The following SRBD1 variants were observed in gnomAD, a reference collection of about 807,000 sequenced individuals.
SRBD1 encodes S1 RNA binding domain 1.
In SRBD1, 88 loss-of-function variants were observed where a neutral mutation model predicts 115.3. That is an observed-to-expected ratio of 0.76 (90% CI 0.64 to 0.91). The LOEUF (loss-of-function observed/expected upper bound fraction) is 0.91. SRBD1 is among the 40% of genes least tolerant of loss of function. The pLI is 0.00. For missense variants in SRBD1, 1,385 were observed against 1,177.4 expected (o/e 1.18, Z -2.58); for synonymous variants, 509 against 407.7 (o/e 1.25, Z -2.99).
At chr2:45,413,079 C>T (rs1313246802) in intron 19 of SRBD1, 35 bp downstream of exon 19, 3 of 1,592,342 alleles carry the variant, frequency 1.9e-6, no homozygotes, top group Non-Finnish European at 2.6e-6. Flanking sequence ...ACTCACTCTG[C>T]ATATGGAGAA....
chr2:45,512,856 A>G lies in SRBD1; in HGVS notation c.1875-24525T>C, dbSNP rs185047583. Among the ~76,000 whole-genome samples, 18 of 152,214 alleles carry G rather than the reference A, an allele frequency of 1.2e-4. No individual in the cohort carries two copies. The East Asian group carries it at 3.3e-3, about 28-fold the overall frequency. ...TGCCTGTATTATTCCTAGGCTAGTC[A>G]TGGAAATATGGACCTCCAAATTCTG... is the stretch of plus-strand genomic sequence containing the variant. On this transcript the variant is annotated intron_variant, in intron 14 of 20. Coordinates refer to ENST00000263736, the MANE Select transcript of SRBD1 (RefSeq NM_018079.5).
chr2:45,598,273 C>T (rs1001229222), intron 4 of SRBD1, among the ~76,000 whole-genome samples: 1 of 152,194 alleles, frequency 6.6e-6, no homozygotes, highest in Non-Finnish European at 1.5e-5. Flanking sequence ...TGTAAAGCAA[C>T]ATTCTATTCC....
chr2:45,520,114 A>G (rs961998011), intron 14 of SRBD1, among the ~76,000 whole-genome samples: 2 of 152,220 alleles, frequency 1.3e-5, no homozygotes, highest in Non-Finnish European at 2.9e-5. Context: ...GGCAATTATA[A>G]TACTACTTAA....
At chr2:45,432,609 G>A (rs750436760) in intron 16 of SRBD1, among the ~76,000 whole-genome samples, 3 of 152,120 alleles carry the variant, frequency 2.0e-5, no homozygotes, top group Non-Finnish European at 2.9e-5. Context: ...GCAGTAACTG[G>A]TACAAGAAGC....
rs559904199 is a variant in SRBD1, at chr2:45,531,767, C to T, written c.1874+14965G>A. Among the ~76,000 whole-genome samples, 15 of 151,818 alleles carry T rather than the reference C, an allele frequency of 9.9e-5. No individual in the cohort carries two copies. In the South Asian group the frequency reaches 1.9e-3, roughly 19 times the overall value. On this transcript the variant is annotated intron_variant, in intron 14 of 20. Coordinates refer to ENST00000263736, the MANE Select transcript of SRBD1 (RefSeq NM_018079.5). ...CATGTTTACAGGAAAATAAATATTC[C>T]GTAATACATATGGCAAGCCTTCTCT...
At chr2:45,599,187 T>G (rs1227900504) in intron 4 of SRBD1, among the ~76,000 whole-genome samples, 1 of 152,202 alleles carries the variant, frequency 6.6e-6, no homozygotes, top group African/African-American at 2.4e-5. Flanking sequence ...TGGTACAATC[T>G]GTCTATATAG....
intron 8 of SRBD1, 95 bp from the exon 9 acceptor site, chr2:45,573,437 C>A: frequency 2.8e-6 from 4 of 1,426,932 alleles, no homozygotes; most frequent in East Asian, 2.7e-5. Flanking sequence ...AAAAGTTAAG[C>A]CATTACCAAG....
chr2:45,545,308 A>C (rs1024301813), intron 14 of SRBD1, among the ~76,000 whole-genome samples: 2 of 142,626 alleles, frequency 1.4e-5, no homozygotes, highest in African/African-American at 5.4e-5. Flanking sequence ...AAAAAAAAAA[A>C]AAAAAAACAG....
At chr2:45,390,895 A>G (rs964478489) in intron 20 of SRBD1, among the ~76,000 whole-genome samples, 1 of 152,212 alleles carries the variant, frequency 6.6e-6, no homozygotes, top group African/African-American at 2.4e-5. Context: ...ATTCTGTGGA[A>G]TTTTACCTGA....
chr2:45,580,676 CTTTTTTTTTTTTTT>C (rs369067711), intron 6 of SRBD1, among the ~76,000 whole-genome samples: 4 of 76,348 alleles, frequency 5.2e-5, no homozygotes, highest in Non-Finnish European at 7.1e-5. Flanking sequence ...TCTTCTACTT[CTTTTTTTTTTTTTT>C]TTTTTTTTTT....
intron 15 of SRBD1, among the ~76,000 whole-genome samples, chr2:45,477,388 A>C (rs955784535): frequency 1.3e-5 from 2 of 152,218 alleles, no homozygotes; most frequent in African/African-American, 2.4e-5. Flanking sequence ...TTCATTCTTC[A>C]TTCTTTACGT....
chr2:45,512,524 T>G (rs1671000870), intron 14 of SRBD1, among the ~76,000 whole-genome samples: 1 of 152,164 alleles, frequency 6.6e-6, no homozygotes, highest in Non-Finnish European at 1.5e-5. Context: ...CACACTAAAT[T>G]CAGGCATTTA....
intron 16 of SRBD1, among the ~76,000 whole-genome samples, chr2:45,454,450 T>C (rs1324118036): frequency 4.0e-5 from 6 of 151,868 alleles, no homozygotes; most frequent in South Asian, 2.1e-4. Flanking sequence ...AAATTAATAG[T>C]TGTACATTTC....
At chr2:45,564,860 A>T (rs1030677489) in intron 9 of SRBD1, among the ~76,000 whole-genome samples, 2 of 152,204 alleles carry the variant, frequency 1.3e-5, no homozygotes, top group Non-Finnish European at 2.9e-5. Flanking sequence ...TGCAGGGCCA[A>T]CTCTGGGACT....
chr2:45,508,263 C>G (rs1572714861), intron 14 of SRBD1, among the ~76,000 whole-genome samples: 1 of 152,284 alleles, frequency 6.6e-6, no homozygotes, highest in East Asian at 1.9e-4. Flanking sequence ...TTAATACATA[C>G]TGAACACCAT....
At chr2:45,443,805 GAAAAA>G (rs10611144) in intron 16 of SRBD1, among the ~76,000 whole-genome samples, 1 of 130,742 alleles carries the variant, frequency 7.6e-6, no homozygotes, top group Admixed American at 7.9e-5. Context: ...AAGTTATTTT[GAAAAA>G]AAAAAAAAAA....
At chr2:45,461,425 A>G (rs1669313319) in intron 16 of SRBD1, among the ~76,000 whole-genome samples, 1 of 152,304 alleles carries the variant, frequency 6.6e-6, no homozygotes, top group Non-Finnish European at 1.5e-5. Flanking sequence ...GCAGGTTCAC[A>G]TCACCAGATG....
chr2:45,551,673 T>C (rs1672305388), intron 11 of SRBD1, among the ~76,000 whole-genome samples: 1 of 152,120 alleles, frequency 6.6e-6, no homozygotes, highest in Admixed American at 6.5e-5. Context: ...GGAAACAGCA[T>C]ATGTAAAGGC....
At chr2:45,461,912 C>G (rs1345590852) in intron 16 of SRBD1, among the ~76,000 whole-genome samples, 2 of 152,126 alleles carry the variant, frequency 1.3e-5, no homozygotes, top group Admixed American at 6.5e-5. Context: ...TTCCCTAATG[C>G]CCTAACGTGT....
Sources: allele counts gnomAD v4.1 joint callset (sites outside exome capture counted in the v4.1 genomes callset), GRCh38; gene constraint gnomAD v4.1.1; transcripts MANE v1.5; gene names NCBI Gene and HGNC (gene_info 2026-07-23, HGNC 2026-07-21).